Variants in SHROOM3 observed in about 807,000 individuals in gnomAD.
The protein encoded by SHROOM3 is protein Shroom3.
A neutral mutation model predicts 138.6 loss-of-function variants in SHROOM3; 47 were observed. The observed-to-expected ratio is 0.34, with a 90% confidence interval of 0.27 to 0.43. The LOEUF (loss-of-function observed/expected upper bound fraction) is 0.43. Ranked by LOEUF, SHROOM3 falls within the 20% of genes least tolerant of loss-of-function variation. SHROOM3 has a pLI of 1.00. For synonymous variants in SHROOM3, 1,062 were observed against 1,063.3 expected, an observed-to-expected ratio of 1.00 and a Z score of 0.02; for missense variants, 2,491 against 2,596.5, an observed-to-expected ratio of 0.96 and a Z score of 0.88.
chr4:76,725,528 A>T (rs1014745145), intron 3 of SHROOM3, among the ~76,000 whole-genome samples: 1 of 152,222 alleles, frequency 6.6e-6, no homozygotes, highest in Non-Finnish European at 1.5e-5. Context: ...AATAATGTAT[A>T]GTGATGAGAT....
At chr4:76,508,206 T>C (rs1019993307) in intron 1 of SHROOM3, among the ~76,000 whole-genome samples, 1 of 76,900 alleles carries the variant, frequency 1.3e-5, no homozygotes, top group South Asian at 5.1e-4. Flanking sequence ...ACATTCAGGT[T>C]TTTTTTGATA....
At position 76,520,103 on chromosome 4, in the gene SHROOM3, C is replaced by T. The variant is rs112713825; in HGVS notation, c.169-35506C>T. ...TACTCCAGTAATCAGGGACACCTCC[C>T]ATTCAAAGCAAGCCTTTGATCTTCA... is the stretch of plus-strand genomic sequence containing the variant. On this transcript the variant is annotated intron_variant, in intron 1 of 10. Transcript: ENST00000296043. 9.0e-3 allele frequency among the ~76,000 whole-genome samples: 1,365 copies of T among 152,278 alleles called. 11 individuals are homozygous for T. The highest frequency in any genetic ancestry group is 0.031 in the African/African-American group (1,297 of 41,546).
At chr4:76,765,324 G>A (rs1722117814) in intron 9 of SHROOM3, among the ~76,000 whole-genome samples, 1 of 150,072 alleles carries the variant, frequency 6.7e-6, no homozygotes, top group South Asian at 2.1e-4. Context: ...AGACCAGCCT[G>A]GCCAACATGG....
At position 76,520,798 on chromosome 4, in the gene SHROOM3, A is replaced by C. The variant is rs533877016; in HGVS notation, c.169-34811A>C. ...CCTTCTAAACATTGACGCAAAGAGG[A>C]GCTCATCCACTTCCTTAACAAATGT... On this transcript the variant is annotated intron_variant, in intron 1 of 10. Coordinates refer to ENST00000296043, the MANE Select transcript of SHROOM3 (RefSeq NM_020859.4). Among the ~76,000 whole-genome samples, 5 of 152,324 alleles carry C rather than the reference A, an allele frequency of 3.3e-5. No homozygotes were observed. The South Asian group carries it at 1.0e-3, about 32-fold the overall frequency.
At position 76,739,324 on chromosome 4, in the gene SHROOM3, T is replaced by C; in HGVS notation, c.1151T>C (p.Leu384Pro). Reference protein sequence around the residue: ...DNLPPKVGAPLPPARSDSYAA... With the variant: ...DNLPPKVGAPPPPARSDSYAA... ...CTTCCTCCTAAGGTGGGTGCACCCCTGCCTCCAGCTCGGAGTGACAGTTAC... is the reference window on the plus strand; with the variant it reads ...CTTCCTCCTAAGGTGGGTGCACCCCCGCCTCCAGCTCGGAGTGACAGTTAC... The change falls in exon 5 of 11, where the codon CTG becomes CCG. Residue 384 changes from leucine (L) to proline (P), a missense_variant. This residue lies in a region of SHROOM3 where 1,733 missense variants were observed against 1,661.6 expected (regional missense o/e 1.04). Transcript: ENST00000296043. 1 of 1,613,948 alleles carries C rather than the reference T, an allele frequency of 6.2e-7. No individual in the cohort carries two copies. Among genetic ancestry groups the C allele is most frequent in the Non-Finnish European group, 8.5e-7 (1 of 1,179,902 alleles).
rs371944513 is a variant in SHROOM3 at position 76,646,225 on chromosome 4, A to AATATATATATATATATATATAT, written c.324-63929_324-63908dup. ...CCTAGAACTTAAAGTATAATAAATA[A>AATATATATATATATATATATAT]ATATATATATATATATATATATAAA... On this transcript the variant is annotated intron_variant, in intron 2 of 10. Coordinates refer to ENST00000296043, the MANE Select transcript of SHROOM3 (RefSeq NM_020859.4). 1.5e-4 allele frequency among the ~76,000 whole-genome samples: 14 copies of AATATATATATATATATATATAT among 96,144 alleles called. No homozygotes were observed. The East Asian group carries it at 3.0e-3, about 21-fold the overall frequency. 63.1% of individuals were successfully genotyped at this position (96,144 alleles called of 152,430 possible).
chr4:76,565,159 T>TAAAAAAA (rs370033081), intron 2 of SHROOM3, among the ~76,000 whole-genome samples: 5 of 75,674 alleles, frequency 6.6e-5, no homozygotes, highest in African/African-American at 2.5e-4. Flanking sequence ...AGACTCCATT[T>TAAAAAAA]CAAAAAAAAA....
chr4:76,774,910 A>T (rs1722497837), intron 10 of SHROOM3, among the ~76,000 whole-genome samples: 1 of 151,752 alleles, frequency 6.6e-6, no homozygotes, highest in Non-Finnish European at 1.5e-5. Flanking sequence ...AGGTATACTT[A>T]AGTGATCTTA....
chr4:76,679,717 G>A (rs1332548511), intron 2 of SHROOM3, among the ~76,000 whole-genome samples: 3 of 152,068 alleles, frequency 2.0e-5, no homozygotes, highest in Non-Finnish European at 4.4e-5. Context: ...CAAAGGTTAG[G>A]TTCTGAATGC....
chr4:76,756,759 G>A lies in SHROOM3; in HGVS notation c.5020G>A (p.Glu1674Lys). ...EDIRTEALAK[E>K]IVHQDKSLAD... ...CATCAGAACAGAGGCTTTGGCCAAGGAAATTGTCCACCAAGACAAATCTCT... is the reference window on the plus strand; with the variant it reads ...CATCAGAACAGAGGCTTTGGCCAAGAAAATTGTCCACCAAGACAAATCTCT... Residue 1674 changes from glutamate (E) to lysine (K), a missense_variant, in exon 8 of 11, where the codon GAA (glutamate) becomes AAA (lysine). This residue lies in a region of SHROOM3 where 470 missense variants were observed against 595.0 expected (regional missense o/e 0.79). Transcript: ENST00000296043. 1.2e-6 allele frequency: 2 copies of A among 1,614,054 alleles called. No homozygotes were observed. The highest frequency in any genetic ancestry group is 8.5e-7 in the Non-Finnish European group (1 of 1,180,010).
At position 76,555,826 on chromosome 4, in the gene SHROOM3, C is replaced by T. The variant is rs990438414; in HGVS notation, c.323+63C>T. ...TCACCCCACCTCTCTCCCTACCCTA[C>T]CCCACCTCTGGGAAAAGAGCTCGGG... On this transcript the variant is annotated intron_variant, in intron 2 of 10. Coordinates refer to ENST00000296043, the MANE Select transcript of SHROOM3 (RefSeq NM_020859.4). 42 of 1,569,170 alleles carry T rather than the reference C, an allele frequency of 2.7e-5. No individual in the cohort carries two copies. The African/African-American group carries it at 3.9e-4, about 15-fold the overall frequency.
chr4:76,446,850 C>G (rs1211640599), intron 1 of SHROOM3, among the ~76,000 whole-genome samples: 2 of 152,194 alleles, frequency 1.3e-5, no homozygotes, highest in African/African-American at 4.8e-5. Context: ...CCCTTTCTAG[C>G]CCTTGCTTAG....
intron 2 of SHROOM3, among the ~76,000 whole-genome samples, chr4:76,633,600 T>C (rs1577936679): frequency 1.5e-5 from 2 of 133,106 alleles, no homozygotes; most frequent in East Asian, 4.4e-4. Context: ...GAGCTTGCAG[T>C]GAGCCGAGAT....
chr4:76,736,118 G>GGAAATGGA (rs146050131), intron 4 of SHROOM3, among the ~76,000 whole-genome samples: 22,123 of 151,362 alleles, frequency 0.15, 1,802 homozygotes, highest in East Asian at 0.22. Context: ...CATTTCCCCT[G>GGAAATGGA]GAAGTATTAG....
In SHROOM3 at chr4:76,740,194, GAC is replaced by G; in HGVS notation, c.2025_2026del (p.His675GlnfsTer36). 6.2e-7 allele frequency: 1 copy of G among 1,613,802 alleles called. No homozygotes were observed. Among genetic ancestry groups the G allele is most frequent in the Non-Finnish European group, 8.5e-7 (1 of 1,180,034 alleles). ...CAGAACATTCCTGAGAGTCTGAGAA[GAC>G]ACAGCAGCCTGGAGCTAGGCCGGGG... On this transcript the variant is annotated frameshift_variant, in exon 5 of 11. Coordinates refer to ENST00000296043, the MANE Select transcript of SHROOM3 (RefSeq NM_020859.4). LOFTEE classifies it high-confidence loss of function. The surrounding 1 kb of genome is among the most constrained non-coding windows in gnomAD (Gnocchi z 4.0).
At chr4:76,662,005 A>G (rs570465655) in intron 2 of SHROOM3, among the ~76,000 whole-genome samples, 1 of 152,208 alleles carries the variant, frequency 6.6e-6, no homozygotes, top group Non-Finnish European at 1.5e-5. Flanking sequence ...TGGTACTGGC[A>G]GTTGTGTTAG....
chr4:76,630,896 G>C (rs149689873), intron 2 of SHROOM3, among the ~76,000 whole-genome samples: 16 of 152,308 alleles, frequency 1.1e-4, no homozygotes, highest in Admixed American at 8.5e-4. Context: ...GGGCTACTGA[G>C]TTCCAATGGG....
At chr4:76,451,989 C>T (rs923235998) in intron 1 of SHROOM3, among the ~76,000 whole-genome samples, 1 of 152,054 alleles carries the variant, frequency 6.6e-6, no homozygotes, top group African/African-American at 2.4e-5. Flanking sequence ...TATAGGCGTG[C>T]GCCACCATGT....
In SHROOM3 at chr4:76,781,204, T is replaced by A. The variant is rs1722727553; in HGVS notation, c.*2027T>A. 1 of 152,236 alleles carries A rather than the reference T, an allele frequency of 6.6e-6. No individual in the cohort carries two copies. Among genetic ancestry groups the A allele is most frequent in the Non-Finnish European group, 1.5e-5 (1 of 68,084 alleles). 9.4% of individuals were successfully genotyped at this position (152,236 alleles called of 1,614,324 possible). A position where few individuals can be genotyped will look rare whatever the true frequency, so the allele number is the denominator to read the frequency against. ...GCAGAGTGGTGCGATAACAGCTCAT[T>A]GCAGTCTGAACCTCTGAGGCTCAAG... On this transcript the variant is annotated 3_prime_UTR_variant, in exon 11 of 11. Coordinates refer to ENST00000296043, the MANE Select transcript of SHROOM3 (RefSeq NM_020859.4).
Sources: gnomAD v4.1 joint callset for allele counts (sites outside exome capture counted in the v4.1 genomes callset) on GRCh38, gnomAD v4.1.1 for gene constraint, gnomAD v4.1.1 regional missense constraint, Gnocchi (gnomAD v3.1) non-coding constraint, MANE v1.5 for transcripts, NCBI Gene and HGNC (gene_info 2026-07-23, HGNC 2026-07-21) for gene names.